Variants in EPHA4 observed in about 807,000 individuals in gnomAD.
EPHA4 encodes the protein ephrin type-A receptor 4.
EPHA4 carries 19 observed loss-of-function variants against 108.3 expected under a neutral mutation model. The ratio of observed to expected loss-of-function variants is 0.18; its 90% CI spans 0.12 to 0.26. The LOEUF (loss-of-function observed/expected upper bound fraction) is 0.26. Among genes scored for constraint, EPHA4 ranks in the 10% least tolerant of loss-of-function variants. EPHA4 has a pLI of 1.00. For missense variants in EPHA4, 917 were observed against 1,254.0 expected, an observed-to-expected ratio of 0.73 and a Z score of 4.06; for synonymous variants, 449 against 455.5, an observed-to-expected ratio of 0.99 and a Z score of 0.18.
chr2:221,505,400 A>T (rs1259345246), intron 3 of EPHA4, among the ~76,000 whole-genome samples: 2 of 151,972 alleles, frequency 1.3e-5, no homozygotes. Context: ...GCCTCAGCTC[A>T]CTGCAACCTC....
At chr2:221,456,878 A>C (rs564736705) in intron 6 of EPHA4, 106 bp from the exon 7 acceptor site, 2 of 1,212,848 alleles carry the variant, frequency 1.6e-6, no homozygotes, top group African/African-American at 3.0e-5. Context: ...AGAAACTGAA[A>C]GTAAATGGAG....
At chr2:221,421,345 G>GA (rs1201390995) in intron 17 of EPHA4, among the ~76,000 whole-genome samples, 1 of 152,044 alleles carries the variant, frequency 6.6e-6, no homozygotes, top group Non-Finnish European at 1.5e-5. Flanking sequence ...ACTAAGAAGT[G>GA]AAAAAAAGTG....
intron 4 of EPHA4, among the ~76,000 whole-genome samples, chr2:221,486,910 G>A (rs1485992164): frequency 1.3e-5 from 2 of 152,086 alleles, no homozygotes; most frequent in Non-Finnish European, 2.9e-5. Context: ...CCAGTGTTAT[G>A]AAGTGTGTGA....
At chr2:221,452,408 C>A (rs1690814795) in intron 8 of EPHA4, among the ~76,000 whole-genome samples, 2 of 152,226 alleles carry the variant, frequency 1.3e-5, no homozygotes, top group South Asian at 4.1e-4. Context: ...AAAGCCTGGG[C>A]CAGCCAGGCT....
At chr2:221,555,081 T>C (rs1694265968) in intron 3 of EPHA4, among the ~76,000 whole-genome samples, 1 of 152,162 alleles carries the variant, frequency 6.6e-6, no homozygotes, top group Non-Finnish European at 1.5e-5. Context: ...GGGTTCCTTT[T>C]CCAAAGGTCA....
chr2:221,495,404 C>T (rs939415523), intron 4 of EPHA4, among the ~76,000 whole-genome samples: 1 of 152,200 alleles, frequency 6.6e-6, no homozygotes, highest in African/African-American at 2.4e-5. Flanking sequence ...AGATCAGTAG[C>T]TTCAGCCTCA....
chr2:221,498,361 C>T (rs1692365882), intron 4 of EPHA4, among the ~76,000 whole-genome samples: 1 of 152,154 alleles, frequency 6.6e-6, no homozygotes, highest in Non-Finnish European at 1.5e-5. Context: ...AAACACTTCC[C>T]CTTGAGTTTA....
chr2:221,492,156 G>A (rs1159271618), intron 4 of EPHA4, among the ~76,000 whole-genome samples: 1 of 152,128 alleles, frequency 6.6e-6, no homozygotes, highest in Non-Finnish European at 1.5e-5. Context: ...ACAGGACTCG[G>A]TCAATGACAA....
chr2:221,443,978 A>G (rs1481834987), intron 9 of EPHA4, among the ~76,000 whole-genome samples: 1 of 152,222 alleles, frequency 6.6e-6, no homozygotes, highest in Non-Finnish European at 1.5e-5. Context: ...ATCCTCCCTT[A>G]GGGAAGGAAA....
chr2:221,443,035 C>A, intron 10 of EPHA4, 21 bp from the exon 11 acceptor site: 1 of 1,607,028 alleles, frequency 6.2e-7, no homozygotes, highest in Non-Finnish European at 8.5e-7. Flanking sequence ...GAAAAAGAAT[C>A]TACGATGGAC....
rs144676444 is a variant in EPHA4 at position 221,533,725 on chromosome 2, C to CAA, written c.823+30004_823+30005dup. Among the ~76,000 whole-genome samples, 33 of 63,508 alleles carry CAA rather than the reference C, an allele frequency of 5.2e-4. 1 individual carries two copies. The highest frequency in any genetic ancestry group is 1.1e-3 in the African/African-American group (17 of 16,034). 41.7% of individuals were successfully genotyped at this position (63,508 alleles called of 152,430 possible). On this transcript the variant is annotated intron_variant, in intron 3 of 17. Transcript: ENST00000281821. Reference sequence around the variant, plus strand: ...TGACTGTTAATTTTGTGACTAGTGTCAAAAAAAAAAAAAAAAAAAAAAAAA... The same window carrying CAA: ...TGACTGTTAATTTTGTGACTAGTGTCAAAAAAAAAAAAAAAAAAAAAAAAAAA...
chr2:221,421,034 C>T (rs1438114948), intron 17 of EPHA4, among the ~76,000 whole-genome samples: 1 of 152,170 alleles, frequency 6.6e-6, no homozygotes, highest in Non-Finnish European at 1.5e-5. Context: ...CGCGGTGGCT[C>T]ACGCCTGTAA....
intron 4 of EPHA4, among the ~76,000 whole-genome samples, chr2:221,488,172 A>G (rs2106146435): frequency 6.6e-6 from 1 of 152,288 alleles, no homozygotes; most frequent in Admixed American, 6.5e-5. Flanking sequence ...TTATTTGCAA[A>G]AATAGGTGGC....
At chr2:221,495,153 CCA>C (rs1489264815) in intron 4 of EPHA4, among the ~76,000 whole-genome samples, 3 of 152,080 alleles carry the variant, frequency 2.0e-5, no homozygotes, top group Non-Finnish European at 4.4e-5. Flanking sequence ...AAAAATAATT[CCA>C]CAGTGAGTGC....
chr2:221,429,828 G>A (rs1400771620), intron 15 of EPHA4, 130 bp downstream of exon 15: 1 of 915,252 alleles, frequency 1.1e-6, no homozygotes, highest in East Asian at 2.5e-5. Flanking sequence ...AATTGAGAAA[G>A]AAGCCACCCA....
rs760466873 is a variant in EPHA4, at chr2:221,429,963, G to C, written c.2685C>G (p.Ser895Arg). 66 of 1,613,720 alleles carry C rather than the reference G, an allele frequency of 4.1e-5. No individual in the cohort carries two copies. The highest frequency in any genetic ancestry group is 5.6e-5 in the Non-Finnish European group (66 of 1,179,926). The change falls in exon 15 of 18, where the codon AGC becomes AGG. Residue 895 changes from serine (S) to arginine (R), a missense_variant. Transcript: ENST00000281821. ...PNSLKRTGTE[S>R]SRPNTALLDP... The stretch of plus-strand genomic sequence containing the variant: ...ATTAAGTAAGCATGGCTGACCTGGA[G>C]CTCTCCGTCCCTGTCCTCTTCAAGC...
chr2:221,518,511 C>T (rs59616772), intron 3 of EPHA4, among the ~76,000 whole-genome samples: 4,747 of 152,256 alleles, frequency 0.031, 161 homozygotes, highest in East Asian at 0.078. Context: ...TAACCTGTAA[C>T]GATGGCTACT....
intron 4 of EPHA4, among the ~76,000 whole-genome samples, chr2:221,492,907 A>G (rs985838744): frequency 3.9e-5 from 6 of 152,246 alleles, no homozygotes; most frequent in African/African-American, 1.4e-4. Flanking sequence ...AAACTATACT[A>G]TTACATTGCA....
rs1691948512 is a variant in EPHA4 at position 221,485,419 on chromosome 2, T to G, written c.980-2729A>C. ...TGGGTTGGATGCTCAAGACTGAGAA[T>G]TAGGCAAATTCAAGTTCAGTGCTGG... On this transcript the variant is annotated intron_variant, in intron 4 of 17. Transcript: ENST00000281821. Among the ~76,000 whole-genome samples the G allele has an allele frequency of 2.6e-5, 4 of 152,190 alleles. No individual in the cohort carries two copies. In the South Asian group the frequency reaches 8.3e-4, roughly 32 times the overall value.
Sources: gnomAD v4.1 joint callset for allele counts (sites outside exome capture counted in the v4.1 genomes callset) on GRCh38, gnomAD v4.1.1 for gene constraint, MANE v1.5 for transcripts, NCBI Gene and HGNC (gene_info 2026-07-23, HGNC 2026-07-21) for gene names.